The following PAWR variants were observed in gnomAD, a reference collection of about 807,000 sequenced individuals.
The protein encoded by PAWR is PRKC apoptosis WT1 regulator protein.
In PAWR, 23 loss-of-function variants were observed where a neutral mutation model predicts 32.0. The observed-to-expected ratio is 0.72, with a 90% confidence interval of 0.52 to 1.02. PAWR has a LOEUF of 1.02. Ranked by LOEUF, PAWR falls within the 50% of genes least tolerant of loss-of-function variation. PAWR has a pLI of 0.00. For synonymous variants in PAWR, 226 were observed against 187.1 expected, an observed-to-expected ratio of 1.21 and a Z score of -1.70; for missense variants, 457 against 437.7, an observed-to-expected ratio of 1.04 and a Z score of -0.39.
chr12:79,649,096 A>T (rs2136791809), intron 2 of PAWR, among the ~76,000 whole-genome samples: 1 of 152,328 alleles, frequency 6.6e-6, no homozygotes, highest in South Asian at 2.1e-4. Context: ...ACTGGAAGCC[A>T]ATCACGATCT....
chr12:79,596,722 T>C, intron 4 of PAWR, 64 bp from the exon 5 acceptor site: 1 of 1,091,486 alleles, frequency 9.2e-7, no homozygotes, highest in Non-Finnish European at 1.3e-6. Flanking sequence ...CCAAGAATAT[T>C]TTCTATTGAG....
chr12:79,675,261 G>A (rs1202977346), intron 2 of PAWR, among the ~76,000 whole-genome samples: 5 of 152,010 alleles, frequency 3.3e-5, no homozygotes, highest in Non-Finnish European at 5.9e-5. Flanking sequence ...ACTTGTGTTC[G>A]CAGCTACTCG....
At chr12:79,601,426 A>C (rs556930027) in intron 4 of PAWR, among the ~76,000 whole-genome samples, 7 of 151,998 alleles carry the variant, frequency 4.6e-5, no homozygotes, top group Non-Finnish European at 8.8e-5. Context: ...GCCGGTCCTG[A>C]AGTCCTGGCC....
intron 3 of PAWR, among the ~76,000 whole-genome samples, chr12:79,614,571 C>T (rs1004745219): frequency 1.3e-5 from 2 of 152,136 alleles, no homozygotes; most frequent in African/African-American, 4.8e-5. Context: ...TCTGTTCAAT[C>T]TTTTGACAGT....
At chr12:79,681,190 A>T (rs1048847905) in intron 2 of PAWR, among the ~76,000 whole-genome samples, 2 of 151,676 alleles carry the variant, frequency 1.3e-5, no homozygotes, top group Non-Finnish European at 2.9e-5. Context: ...AGGGCTATTT[A>T]TCTAAGACTA....
chr12:79,638,800 T>C (rs1484542350), intron 2 of PAWR, among the ~76,000 whole-genome samples: 3 of 137,268 alleles, frequency 2.2e-5, no homozygotes, highest in East Asian at 2.1e-4. Context: ...GGTGTGTGTG[T>C]GTGTGTGTGT....
chr12:79,674,724 G>T (rs1592551256), intron 2 of PAWR, among the ~76,000 whole-genome samples: 5 of 151,794 alleles, frequency 3.3e-5, no homozygotes, highest in Admixed American at 1.3e-4. Context: ...AAAAAAAAAT[G>T]ACCGCATTAA....
At chr12:79,607,039 T>C (rs750680823) in intron 4 of PAWR, among the ~76,000 whole-genome samples, 2 of 152,194 alleles carry the variant, frequency 1.3e-5, no homozygotes, top group African/African-American at 4.8e-5. Context: ...ATGACTTTCA[T>C]GTACTGTTTT....
At chr12:79,668,424 CA>C (rs1182910647) in intron 2 of PAWR, 3 of 152,036 alleles carry the variant, frequency 2.0e-5, no homozygotes, top group African/African-American at 7.2e-5. Flanking sequence ...ATATTAGAAA[CA>C]AAAACAACTG....
intron 2 of PAWR, among the ~76,000 whole-genome samples, chr12:79,640,191 C>T (rs151221210): frequency 6.6e-6 from 1 of 152,250 alleles, no homozygotes; most frequent in East Asian, 1.9e-4. Flanking sequence ...GCCTGAGCCA[C>T]CGTGCCTGGC....
At chr12:79,611,021 T>C (rs1312368450) in intron 4 of PAWR, among the ~76,000 whole-genome samples, 2 of 150,774 alleles carry the variant, frequency 1.3e-5, no homozygotes, top group Non-Finnish European at 3.0e-5. Flanking sequence ...AAATGTACAT[T>C]CTTATTTGTG....
At chr12:79,655,295 C>G (rs932259713) in intron 2 of PAWR, among the ~76,000 whole-genome samples, 1 of 152,170 alleles carries the variant, frequency 6.6e-6, no homozygotes, top group South Asian at 2.1e-4. Flanking sequence ...CCCCAATTAG[C>G]TCCAGGCCGC....
At chr12:79,598,534 C>T (rs1873844688) in intron 4 of PAWR, among the ~76,000 whole-genome samples, 1 of 152,074 alleles carries the variant, frequency 6.6e-6, no homozygotes, top group African/African-American at 2.4e-5. Context: ...ACAGTTAAAT[C>T]GAAAGTGACT....
chr12:79,639,966 A>G (rs1293859405), intron 2 of PAWR, among the ~76,000 whole-genome samples: 5 of 149,652 alleles, frequency 3.3e-5, no homozygotes, highest in Non-Finnish European at 5.9e-5. Context: ...GTGCAGTGGC[A>G]TGATCTCATC....
chr12:79,629,994 T>C (rs1486863114), intron 2 of PAWR, among the ~76,000 whole-genome samples: 1 of 151,834 alleles, frequency 6.6e-6, no homozygotes, highest in Non-Finnish European at 1.5e-5. Flanking sequence ...TTTATAACAA[T>C]GAATATTTAT....
intron 2 of PAWR, among the ~76,000 whole-genome samples, chr12:79,677,097 G>A (rs1420051696): frequency 2.0e-5 from 3 of 152,232 alleles, no homozygotes; most frequent in Admixed American, 6.5e-5. Flanking sequence ...TAACAGAACA[G>A]CTGTATTAAC....
chr12:79,596,938 C>T, intron 4 of PAWR: 1 of 322,142 alleles, frequency 3.1e-6, no homozygotes, highest in East Asian at 5.3e-5. Flanking sequence ...ATGGACTCTG[C>T]CCTTCATAGA....
chr12:79,613,955 A>T (rs868783880), intron 3 of PAWR, among the ~76,000 whole-genome samples: 4 of 6,380 alleles, frequency 6.3e-4, no homozygotes, highest in East Asian at 5.0e-3. Flanking sequence ...ATATATATAT[A>T]TATATATATA....
intron 2 of PAWR, among the ~76,000 whole-genome samples, chr12:79,640,988 A>C (rs1006829680): frequency 1.3e-5 from 2 of 152,204 alleles, no homozygotes; most frequent in African/African-American, 4.8e-5. Context: ...GTGGTTACAT[A>C]CTAAAGAAAA....
Sources: gnomAD v4.1 joint callset for allele counts (sites outside exome capture counted in the v4.1 genomes callset) on GRCh38, gnomAD v4.1.1 for gene constraint, MANE v1.5 for transcripts, NCBI Gene and HGNC (gene_info 2026-07-23, HGNC 2026-07-21) for gene names.